GRAP2: variants seen among roughly 807,000 people sequenced by gnomAD.
GRAP2 encodes the protein GRB2-related adapter protein 2.
Under a neutral mutation model 43.5 loss-of-function variants are expected in GRAP2, and 31 were observed. That is an observed-to-expected ratio of 0.71 (90% confidence interval 0.54 to 0.96). GRAP2 has a LOEUF of 0.96. Among genes scored for constraint, GRAP2 ranks in the 40% least tolerant of loss-of-function variants. GRAP2 has a pLI of 0.00. For synonymous variants in GRAP2, 156 were observed against 164.8 expected (o/e 0.95, Z 0.41); for missense variants, 371 against 424.4 (o/e 0.87, Z 1.11).
At chr22:39,962,807 CA>C (rs1370763472) in intron 4 of GRAP2, among the ~76,000 whole-genome samples, 1 of 152,052 alleles carries the variant, frequency 6.6e-6, no homozygotes, top group African/African-American at 2.4e-5. Flanking sequence ...CATGGGTTCG[CA>C]CCACCACGCC....
At chr22:39,951,449 C>T (rs1481058869) in intron 2 of GRAP2, among the ~76,000 whole-genome samples, 2 of 151,862 alleles carry the variant, frequency 1.3e-5, no homozygotes, top group Non-Finnish European at 2.9e-5. Flanking sequence ...TAATTCATTT[C>T]TTCAATACTT....
chr22:39,912,809 G>A (rs547849593), intron 1 of GRAP2, among the ~76,000 whole-genome samples: 4 of 152,218 alleles, frequency 2.6e-5, no homozygotes, highest in African/African-American at 4.8e-5. Context: ...GTGAGTGGCA[G>A]GGAATGGAAA....
At chr22:39,929,315 G>A (rs1460411475) in intron 1 of GRAP2, among the ~76,000 whole-genome samples, 1 of 152,116 alleles carries the variant, frequency 6.6e-6, no homozygotes, top group African/African-American at 2.4e-5. Flanking sequence ...GGAGTGACAT[G>A]AAAAAGGAGT....
At chr22:39,902,505 C>T (rs1045643050) in intron 1 of GRAP2, among the ~76,000 whole-genome samples, 2 of 152,168 alleles carry the variant, frequency 1.3e-5, no homozygotes, top group African/African-American at 2.4e-5. Flanking sequence ...AAATCTGACT[C>T]ATACCCTTTT....
chr22:39,932,034 T>A (rs1244681338), intron 1 of GRAP2, among the ~76,000 whole-genome samples: 2 of 152,160 alleles, frequency 1.3e-5, no homozygotes, highest in African/African-American at 2.4e-5. Flanking sequence ...AAGGCTTCAT[T>A]CTAGAACCTT....
intron 1 of GRAP2, among the ~76,000 whole-genome samples, chr22:39,923,610 G>C (rs2066672538): frequency 6.6e-6 from 1 of 152,130 alleles, no homozygotes; most frequent in Admixed American, 6.5e-5. Context: ...AACTAAGTTT[G>C]ACTCCCAATT....
chr22:39,972,443 A>T lies in GRAP2; in HGVS notation c.*1359A>T, dbSNP rs2067255304. On this transcript the variant is annotated 3_prime_UTR_variant, in exon 8 of 8. Transcript: ENST00000344138. ...TATACATGTGTGCTTGTGTATGCAT[A>T]TGTGTGCATTCCTGCATGTGTGGAC... 6.6e-6 allele frequency: 1 copy of T among 152,284 alleles called. No homozygotes were observed. 9.4% of individuals were successfully genotyped at this position (152,284 alleles called of 1,614,324 possible).
chr22:39,905,010 G>A lies in GRAP2; in HGVS notation c.-15+3680G>A, dbSNP rs181163062. ...GGGTGCTCCATATTGCATCTTATCA[G>A]GAGGTACAGAATGCCAGGTTGTTCC... On this transcript the variant is annotated intron_variant, in intron 1 of 7. Transcript: ENST00000344138. Among the ~76,000 whole-genome samples, 45 of 152,262 alleles carry A rather than the reference G, an allele frequency of 3.0e-4. No individual in the cohort carries two copies. The East Asian group carries it at 6.6e-3, about 22-fold the overall frequency.
intron 1 of GRAP2, among the ~76,000 whole-genome samples, chr22:39,934,983 A>G (rs2066792135): frequency 6.6e-6 from 1 of 152,204 alleles, no homozygotes; most frequent in Non-Finnish European, 1.5e-5. Flanking sequence ...AGCTCAGACC[A>G]TATCTTGAAT....
intron 2 of GRAP2, among the ~76,000 whole-genome samples, chr22:39,950,515 G>A (rs1383600428): frequency 2.6e-5 from 4 of 152,174 alleles, no homozygotes; most frequent in African/African-American, 7.2e-5. Flanking sequence ...GACACTTGAC[G>A]AATGAATGAA....
chr22:39,970,065 T>C (rs533095341), intron 7 of GRAP2, among the ~76,000 whole-genome samples: 1 of 152,306 alleles, frequency 6.6e-6, no homozygotes, highest in East Asian at 1.9e-4. Flanking sequence ...TTCTCAGTTC[T>C]AGTTCTTTAT....
chr22:39,920,107 C>T (rs998818449), intron 1 of GRAP2, among the ~76,000 whole-genome samples: 1 of 152,184 alleles, frequency 6.6e-6, no homozygotes, highest in African/African-American at 2.4e-5. Flanking sequence ...TCCCCTTGCC[C>T]TAAGATAGTA....
chr22:39,898,481 T>G (rs1253265853), upstream of GRAP2, among the ~76,000 whole-genome samples: 1 of 152,202 alleles, frequency 6.6e-6, no homozygotes, highest in African/African-American at 2.4e-5. Context: ...AAGTACATAT[T>G]TTACCATAAA....
At chr22:39,936,810 A>C (rs963128648) in intron 1 of GRAP2, among the ~76,000 whole-genome samples, 8 of 152,212 alleles carry the variant, frequency 5.3e-5, no homozygotes, top group Admixed American at 2.0e-4. Context: ...CTTAAAGCGC[A>C]TGATTGCTTG....
At chr22:39,957,756 G>C (rs538843337) in intron 3 of GRAP2, among the ~76,000 whole-genome samples, 3 of 151,864 alleles carry the variant, frequency 2.0e-5, no homozygotes, top group African/African-American at 7.3e-5. Context: ...GCAACATAGC[G>C]AGCCCCATCT....
intron 1 of GRAP2, chr22:39,926,662 G>A (rs1337689874): frequency 2.0e-6 from 2 of 985,140 alleles, no homozygotes; most frequent in Non-Finnish European, 2.4e-6. Context: ...TGGCTCTCAG[G>A]AGCTGTTTGG....
chr22:39,946,933 G>A (rs2066928366), intron 1 of GRAP2, 160 bp from the exon 2 acceptor site: 1 of 582,212 alleles, frequency 1.7e-6, no homozygotes, highest in Non-Finnish European at 3.1e-6. Flanking sequence ...AGCTCTTCCT[G>A]CAAACACAAG....
At chr22:39,928,355 C>G (rs2066725361) in intron 1 of GRAP2, among the ~76,000 whole-genome samples, 1 of 152,160 alleles carries the variant, frequency 6.6e-6, no homozygotes, top group Admixed American at 6.5e-5. Context: ...CTTGGTTGAA[C>G]CATGGCAGAG....
intron 1 of GRAP2, among the ~76,000 whole-genome samples, chr22:39,925,764 T>C (rs1011808155): frequency 1.3e-5 from 2 of 152,188 alleles, no homozygotes; most frequent in African/African-American, 4.8e-5. Flanking sequence ...TCTCCCTTAC[T>C]CTACACCAAG....
Sources: allele counts gnomAD v4.1 joint callset (sites outside exome capture counted in the v4.1 genomes callset), GRCh38; gene constraint gnomAD v4.1.1; transcripts MANE v1.5; gene names NCBI Gene and HGNC (gene_info 2026-07-23, HGNC 2026-07-21).